Variants in CDC42BPA observed in about 807,000 individuals in gnomAD.
CDC42BPA encodes serine/threonine-protein kinase MRCK alpha.
CDC42BPA carries 80 observed loss-of-function variants against 223.5 expected under a neutral mutation model. The ratio of observed to expected loss-of-function variants is 0.36; its 90% CI spans 0.30 to 0.43. The LOEUF is 0.43. CDC42BPA is among the 20% of genes least tolerant of loss of function. The probability of loss-of-function intolerance (pLI) is 1.00; values close to 1 mark genes in which losing one functional copy is unlikely to be tolerated. For synonymous variants in CDC42BPA, 694 were observed against 718.6 expected, an observed-to-expected ratio of 0.97 and a Z score of 0.55; for missense variants, 1,743 against 2,099.9, an observed-to-expected ratio of 0.83 and a Z score of 3.32.
At chr1:227,047,436 T>C (rs1672673250) in intron 23 of CDC42BPA, among the ~76,000 whole-genome samples, 1 of 152,198 alleles carries the variant, frequency 6.6e-6, no homozygotes, top group Admixed American at 6.5e-5. Flanking sequence ...GTTTATGTTC[T>C]GGAGAGGCAG....
intron 34 of CDC42BPA, among the ~76,000 whole-genome samples, chr1:227,007,966 C>T (rs778738646): frequency 6.6e-6 from 1 of 152,198 alleles, no homozygotes; most frequent in Non-Finnish European, 1.5e-5. Context: ...CCCTCCTCCA[C>T]ACTCACCACC....
chr1:227,116,275 T>C (rs551658155), intron 12 of CDC42BPA, among the ~76,000 whole-genome samples: 1 of 152,316 alleles, frequency 6.6e-6, no homozygotes, highest in East Asian at 1.9e-4. Flanking sequence ...TCTACAAACG[T>C]AGTTCACCAC....
At position 227,199,584 on chromosome 1, in the gene CDC42BPA, G is replaced by C. The variant is rs1671365379; in HGVS notation, c.423C>G (p.His141Gln). ...AGTTATTGTCATCCTGGAAAGCATA[G>C]TGCAAGGTTGTAATCCATTTATTGT... ...NGDNKWITTL[H>Q]YAFQDDNNLY... is the part of the protein sequence containing the mutation. The change falls in exon 4 of 37, where the codon CAC becomes CAG. Residue 141 changes from histidine (H) to glutamine (Q), a missense_variant. Coordinates refer to ENST00000366766, the MANE Select transcript of CDC42BPA (RefSeq NM_001394014.1). The C allele has an allele frequency of 6.3e-7, 1 of 1,597,482 alleles. No individual in the cohort carries two copies. Among genetic ancestry groups the C allele is most frequent in the Non-Finnish European group, 8.6e-7 (1 of 1,166,576 alleles).
chr1:227,113,979 T>C (rs1687361217), intron 12 of CDC42BPA, among the ~76,000 whole-genome samples: 1 of 139,704 alleles, frequency 7.2e-6, no homozygotes, highest in Admixed American at 7.6e-5. Context: ...GATCACTCCA[T>C]TGCACTCTAG....
intron 4 of CDC42BPA, among the ~76,000 whole-genome samples, chr1:227,197,422 T>C (rs928981121): frequency 1.3e-5 from 2 of 152,170 alleles, no homozygotes; most frequent in Non-Finnish European, 2.9e-5. Flanking sequence ...GAGTGTTTCA[T>C]TCCTCCTCCA....
chr1:227,102,188 G>T (rs531137), intron 14 of CDC42BPA, among the ~76,000 whole-genome samples: 10,531 of 152,120 alleles, frequency 0.069, 558 homozygotes, highest in East Asian at 0.25. Context: ...TAAAGTAGAA[G>T]GAAAAATACC....
chr1:227,253,375 C>A (rs1316411403), intron 2 of CDC42BPA, among the ~76,000 whole-genome samples: 1 of 152,130 alleles, frequency 6.6e-6, no homozygotes, highest in Non-Finnish European at 1.5e-5. Flanking sequence ...GTGGGCAGAT[C>A]ACTTGAGGTC....
rs989833672 is a variant in CDC42BPA, at chr1:227,318,140, C to G, written c.-958G>C. 9 of 181,100 alleles carry G rather than the reference C, an allele frequency of 5.0e-5. No homozygotes were observed. Among genetic ancestry groups the G allele is most frequent in the Non-Finnish European group, 1.0e-4 (9 of 88,306 alleles). 11.2% of individuals were successfully genotyped at this position (181,100 alleles called of 1,614,324 possible). A position where few individuals can be genotyped will look rare whatever the true frequency, so the allele number is the denominator to read the frequency against. ...CACCGGGCCGCCGCGCCGGAGGCTC[C>G]CGACGCCCCAGGCGGGGGGGTGCTT... On this transcript the variant is annotated 5_prime_UTR_variant, in exon 1 of 37. Transcript: ENST00000366766.
chr1:227,057,365 G>A (rs201924402), intron 21 of CDC42BPA, among the ~76,000 whole-genome samples: 2 of 151,538 alleles, frequency 1.3e-5, no homozygotes, highest in African/African-American at 4.9e-5. Flanking sequence ...ACATTTCATA[G>A]TTAATTTTAA....
intron 5 of CDC42BPA, among the ~76,000 whole-genome samples, chr1:227,186,364 A>T (rs1668773992): frequency 2.6e-5 from 4 of 152,178 alleles, no homozygotes; most frequent in Admixed American, 1.3e-4. Context: ...TGCCCTCAGG[A>T]GAAACTATTT....
intron 34 of CDC42BPA, among the ~76,000 whole-genome samples, chr1:227,006,644 A>G (rs1572200007): frequency 6.6e-6 from 1 of 152,128 alleles, no homozygotes; most frequent in South Asian, 2.1e-4. Flanking sequence ...TCACATCGAA[A>G]CAGCCATTCT....
chr1:227,239,850 G>A (rs2670457), intron 2 of CDC42BPA, among the ~76,000 whole-genome samples: 46,764 of 151,844 alleles, frequency 0.31, 7,372 homozygotes, highest in East Asian at 0.37. Flanking sequence ...TCCTCCCTCA[G>A]TTCAGGAATA....
chr1:227,010,079 A>C (rs1572221624), intron 34 of CDC42BPA, among the ~76,000 whole-genome samples: 1 of 152,302 alleles, frequency 6.6e-6, no homozygotes, highest in East Asian at 1.9e-4. Flanking sequence ...GTTCCCTTGA[A>C]GTTACTGTAA....
At chr1:227,005,403 G>C (rs1663811854) in intron 34 of CDC42BPA, among the ~76,000 whole-genome samples, 1 of 152,168 alleles carries the variant, frequency 6.6e-6, no homozygotes, top group South Asian at 2.1e-4. Context: ...TATATGGTTA[G>C]ATGTGACAGT....
At chr1:227,170,312 G>C (rs1558666787) in intron 5 of CDC42BPA, among the ~76,000 whole-genome samples, 2 of 151,952 alleles carry the variant, frequency 1.3e-5, no homozygotes, top group African/African-American at 2.4e-5. Flanking sequence ...CCAACTGATG[G>C]GCAGCACCAA....
intron 15 of CDC42BPA, among the ~76,000 whole-genome samples, chr1:227,092,202 T>C (rs142920891): frequency 1.3e-5 from 2 of 152,344 alleles, no homozygotes; most frequent in Non-Finnish European, 2.9e-5. Context: ...GATTTGTTCA[T>C]TCATTTACCA....
chr1:227,293,232 C>T (rs1057055080), intron 1 of CDC42BPA, among the ~76,000 whole-genome samples: 19 of 151,884 alleles, frequency 1.3e-4, no homozygotes, highest in Non-Finnish European at 1.2e-4. Flanking sequence ...TAAGGAAGAT[C>T]AATAATAATC....
rs1203486552 is a variant in CDC42BPA at position 227,080,978 on chromosome 1, G to T, written c.2395C>A (p.Gln799Lys). The T allele has an allele frequency of 5.0e-6, 8 of 1,613,164 alleles. No individual in the cohort carries two copies. The East Asian group carries it at 1.8e-4, about 36-fold the overall frequency. The change falls in exon 17 of 37, where the codon CAG becomes AAG. Residue 799 changes from glutamine to lysine, a missense_variant. Transcript: ENST00000366766. ...AGATCTTTAACCTCTTCTTCTAACT[G>T]CTGGTTGTGTATACTTAAGTTCTCA... is the stretch of plus-strand genomic sequence containing the variant. The part of the protein sequence containing the change: ...LYENLSIHNQ[Q>K]LEEEVKDLAD...
chr1:227,191,513 C>T (rs959507616), intron 5 of CDC42BPA, among the ~76,000 whole-genome samples: 1 of 152,066 alleles, frequency 6.6e-6, no homozygotes, highest in Non-Finnish European at 1.5e-5. Flanking sequence ...ATAACAGTAT[C>T]TCTAACAAGC....
Sources: allele counts gnomAD v4.1 joint callset (sites outside exome capture counted in the v4.1 genomes callset), GRCh38; gene constraint gnomAD v4.1.1; transcripts MANE v1.5; gene names NCBI Gene and HGNC (gene_info 2026-07-23, HGNC 2026-07-21).